Variants in GARNL3 observed in about 807,000 individuals in gnomAD.
The protein encoded by GARNL3 is GTPase-activating Rap/Ran-GAP domain-like protein 3.
GARNL3 carries 63 observed loss-of-function variants against 125.0 expected under a neutral mutation model. The ratio of observed to expected loss-of-function variants is 0.50; its 90% CI spans 0.41 to 0.62. The LOEUF (loss-of-function observed/expected upper bound fraction) is 0.62, where lower values mean the gene tolerates loss of function less well. Ranked by LOEUF, GARNL3 falls within the 20% of genes least tolerant of loss-of-function variation. The pLI, the probability that GARNL3 is intolerant of heterozygous loss-of-function variation, is 0.00. For synonymous variants in GARNL3, 439 were observed against 457.5 expected (o/e 0.96, Z 0.52); for missense variants, 994 against 1,244.0 (o/e 0.80, Z 3.02).
chr9:127,229,034 G>A (rs1172527232), intron 1 of GARNL3, among the ~76,000 whole-genome samples: 1 of 152,174 alleles, frequency 6.6e-6, no homozygotes, highest in African/African-American at 2.4e-5. Context: ...ATGATGGCCA[G>A]GCTGGTCTCA....
At chr9:127,365,193 C>T in intron 21 of GARNL3, 107 bp from the exon 22 acceptor site, 1 of 888,096 alleles carries the variant, frequency 1.1e-6, no homozygotes, top group East Asian at 2.4e-5. Flanking sequence ...CCTATGGCAC[C>T]TGCATGACAG....
At chr9:127,306,543 C>T (rs1403264894) in intron 2 of GARNL3, among the ~76,000 whole-genome samples, 4 of 152,048 alleles carry the variant, frequency 2.6e-5, no homozygotes, top group Non-Finnish European at 4.4e-5. Context: ...CTGGCTAACA[C>T]GGTGAAACCC....
At chr9:127,259,014 C>G (rs1415605967), upstream of GARNL3, among the ~76,000 whole-genome samples, 1 of 152,160 alleles carries the variant, frequency 6.6e-6, no homozygotes, top group Non-Finnish European at 1.5e-5. Context: ...ACTCTTCTAC[C>G]AGGCCTAGCC....
chr9:127,382,254 C>G (rs2131812707), intron 22 of GARNL3, among the ~76,000 whole-genome samples: 1 of 152,122 alleles, frequency 6.6e-6, no homozygotes, highest in South Asian at 2.1e-4. Flanking sequence ...GAGCTGAGAT[C>G]TCACCATTGC....
At chr9:127,290,455 G>C (rs2064381225) in intron 1 of GARNL3, among the ~76,000 whole-genome samples, 1 of 152,190 alleles carries the variant, frequency 6.6e-6, no homozygotes. Flanking sequence ...GCAGATCTTT[G>C]TTGCAAATTG....
chr9:127,273,278 C>T (rs986819014), intron 1 of GARNL3, among the ~76,000 whole-genome samples: 22 of 152,152 alleles, frequency 1.4e-4, no homozygotes, highest in South Asian at 8.3e-4. Context: ...TTAATCTCTT[C>T]GCCTGCAAGC....
chr9:127,275,642 A>G (rs1179074545), intron 1 of GARNL3, among the ~76,000 whole-genome samples: 1 of 152,104 alleles, frequency 6.6e-6, no homozygotes, highest in Non-Finnish European at 1.5e-5. Flanking sequence ...TATATCACTA[A>G]TCAAATTTAG....
At chr9:127,239,357 C>G (rs2063165223) in intron 1 of GARNL3, among the ~76,000 whole-genome samples, 2 of 152,316 alleles carry the variant, frequency 1.3e-5, no homozygotes, top group East Asian at 3.9e-4. Context: ...AAGTCCCACC[C>G]TTGCTGCCAG....
At chr9:127,233,022 C>T (rs1005587876) in intron 1 of GARNL3, among the ~76,000 whole-genome samples, 8 of 152,034 alleles carry the variant, frequency 5.3e-5, no homozygotes, top group South Asian at 2.1e-4. Context: ...CACTGCACTC[C>T]GGCCTGGGTG....
intron 27 of GARNL3, among the ~76,000 whole-genome samples, chr9:127,391,533 A>AAAAAAAAAAAAAAAAAAATATATATAT: frequency 2.2e-3 from 166 of 75,652 alleles, no homozygotes; most frequent in South Asian, 4.2e-3. Flanking sequence ...ACAAAAAAAA[A>AAAAAAAAAAAAAAAAAAATATATATAT]ATATATATAT....
Position 127,335,317 on chromosome 9 carries a change from A to G in GARNL3, c.857A>G (p.Lys286Arg), listed in dbSNP as rs1438835126. The change falls in exon 10 of 28, where the codon AAA becomes AGA. Residue 286 changes from lysine to arginine, a missense_variant. Transcript: ENST00000373387. ...GTTTCCACCATGTTGCCATATTCCA[A>G]AGAGAACAAACAGCAGGTACATGTG... Reference protein sequence around the residue: ...FHVSTMLPYSKENKQQVERKR... With the variant: ...FHVSTMLPYSRENKQQVERKR... 3 of 1,612,530 alleles carry G rather than the reference A, an allele frequency of 1.9e-6. No homozygotes were observed. The highest frequency in any genetic ancestry group is 1.3e-5 in the African/African-American group (1 of 74,920).
At chr9:127,333,916 A>G (rs371553403) in intron 9 of GARNL3, among the ~76,000 whole-genome samples, 1 of 151,624 alleles carries the variant, frequency 6.6e-6, no homozygotes, top group East Asian at 1.9e-4. Context: ...TTGAGCAGAC[A>G]GGGGAGGCAG....
chr9:127,231,124 G>A (rs1178319799), intron 1 of GARNL3, among the ~76,000 whole-genome samples: 2 of 137,212 alleles, frequency 1.5e-5, no homozygotes, highest in Non-Finnish European at 3.0e-5. Context: ...GCGCTATCTC[G>A]GCTCACTGCA....
chr9:127,323,839 G>A (rs895314977), intron 6 of GARNL3, among the ~76,000 whole-genome samples: 4 of 152,196 alleles, frequency 2.6e-5, no homozygotes, highest in Admixed American at 6.5e-5. Flanking sequence ...AAGGTGTTGA[G>A]GAAGATCAAA....
rs141992250 is a variant in GARNL3 at position 127,355,298 on chromosome 9, C to G, written c.1761C>G (p.Gly587=). 6 of 1,613,278 alleles carry G rather than the reference C, an allele frequency of 3.7e-6. No individual in the cohort carries two copies. The highest frequency in any genetic ancestry group is 4.2e-6 in the Non-Finnish European group (5 of 1,179,346). The change falls in exon 20 of 28, where the codon GGC becomes GGG. Residue 587 remains glycine, a splice_region_variant and synonymous_variant. Coordinates refer to ENST00000373387, the MANE Select transcript of GARNL3 (RefSeq NM_032293.5). ...CRENKLEKTK[G]CHLYAINTHH... ...GGCATCATTTCTTTCTCCTCCCAGG[C>G]TGCCACCTGTATGCTATTAACACTC...
chr9:127,372,918 C>T (rs1382367787), intron 22 of GARNL3, among the ~76,000 whole-genome samples: 5 of 152,154 alleles, frequency 3.3e-5, no homozygotes, highest in Non-Finnish European at 7.4e-5. Flanking sequence ...CAGGGGCCTA[C>T]CTAGCTGTAA....
chr9:127,347,854 A>G (rs1456355853), intron 16 of GARNL3, among the ~76,000 whole-genome samples: 1 of 152,096 alleles, frequency 6.6e-6, no homozygotes, highest in Non-Finnish European at 1.5e-5. Context: ...GTTCCATCTT[A>G]GCAATTGGAA....
Position 127,280,920 on chromosome 9 carries a change from A to C in GARNL3, c.145-10248A>C, listed in dbSNP as rs982011308. On this transcript the variant is annotated intron_variant, in intron 1 of 27. Transcript: ENST00000373387. This position sits in a 1 kb window ranked among gnomAD's most constrained non-coding sequence, Gnocchi z 4.5. ...GGTGGAGGATGTGATGGGAAGTACAAAAATAATGGCTCAGAAGATTGGATG... is the reference window on the plus strand; with the variant it reads ...GGTGGAGGATGTGATGGGAAGTACACAAATAATGGCTCAGAAGATTGGATG... Among the ~76,000 whole-genome samples, 3 of 152,186 alleles carry C rather than the reference A, an allele frequency of 2.0e-5. No individual in the cohort carries two copies. The highest frequency in any genetic ancestry group is 7.2e-5 in the African/African-American group (3 of 41,444).
intron 16 of GARNL3, among the ~76,000 whole-genome samples, chr9:127,347,784 CT>C: frequency 6.6e-6 from 1 of 152,244 alleles, no homozygotes; most frequent in East Asian, 1.9e-4. Context: ...CTTGTTTAGC[CT>C]TTTTTCCATT....
Sources: gnomAD v4.1 joint callset for allele counts (sites outside exome capture counted in the v4.1 genomes callset) on GRCh38, gnomAD v4.1.1 for gene constraint, Gnocchi (gnomAD v3.1) non-coding constraint, MANE v1.5 for transcripts, NCBI Gene and HGNC (gene_info 2026-07-23, HGNC 2026-07-21) for gene names.